Variants in MARK2 observed in about 807,000 individuals in gnomAD.
The protein encoded by MARK2 is serine/threonine-protein kinase MARK2.
In MARK2, 16 loss-of-function variants were observed where a neutral mutation model predicts 89.8. That is an observed-to-expected ratio of 0.18 (90% CI 0.12 to 0.27). MARK2 has a LOEUF of 0.27. MARK2 is among the 10% of genes least tolerant of loss of function. The probability of loss-of-function intolerance (pLI) is 1.00; values close to 1 mark genes in which losing one functional copy is unlikely to be tolerated. For synonymous variants in MARK2, 382 were observed against 399.5 expected, an observed-to-expected ratio of 0.96 and a Z score of 0.52; for missense variants, 621 against 1,049.9, an observed-to-expected ratio of 0.59 and a Z score of 5.65.
At chr11:63,908,202 G>A in intron 17 of MARK2, 58 bp from the exon 18 acceptor site, 2 of 1,481,638 alleles carry the variant, frequency 1.3e-6, no homozygotes, top group South Asian at 1.2e-5. Context: ...CTGGGTCTGT[G>A]GCGGCGGAAG....
chr11:63,842,690 A>G (rs2016081167), intron 1 of MARK2, among the ~76,000 whole-genome samples: 2 of 152,092 alleles, frequency 1.3e-5, no homozygotes, highest in African/African-American at 4.8e-5. Context: ...TATAGTCTTA[A>G]TGTTATTTTT....
intron 1 of MARK2, among the ~76,000 whole-genome samples, chr11:63,874,317 T>G (rs1285300526): frequency 6.6e-6 from 1 of 152,192 alleles, no homozygotes; most frequent in East Asian, 1.9e-4. Context: ...TGATTGGGAG[T>G]TTAGGCATCT....
At chr11:63,908,357 A>T in intron 18 of MARK2, 53 bp downstream of exon 18, 1 of 1,435,882 alleles carries the variant, frequency 7.0e-7, no homozygotes, top group Non-Finnish European at 9.6e-7. Flanking sequence ...GGCTTGCCAC[A>T]GCCTCCTGCT....
intron 1 of MARK2, among the ~76,000 whole-genome samples, chr11:63,853,870 T>A (rs907149074): frequency 6.6e-6 from 1 of 151,928 alleles, no homozygotes; most frequent in African/African-American, 2.4e-5. Flanking sequence ...TTTATTTTAA[T>A]TTTTATCTAT....
rs1053813287 is a variant in MARK2, at chr11:63,909,301, G to A, written c.*64G>A. 1.0e-5 allele frequency: 15 copies of A among 1,460,534 alleles called. No homozygotes were observed. The highest frequency in any genetic ancestry group is 1.4e-5 in the African/African-American group (1 of 70,454). 90.5% of individuals were successfully genotyped at this position (1,460,534 alleles called of 1,614,324 possible). The stretch of plus-strand genomic sequence containing the variant: ...TGGACGGGCTGCCGGCCGCTGCGCC[G>A]CCCCACCTGGGCGAGACTGCAGCGA... On this transcript the variant is annotated 3_prime_UTR_variant, in exon 19 of 19. Transcript: ENST00000402010.
In MARK2 at chr11:63,903,190, C is replaced by T; in HGVS notation, c.1514+32C>T. 1 of 1,519,962 alleles carries T rather than the reference C, an allele frequency of 6.6e-7. No homozygotes were observed. The highest frequency in any genetic ancestry group is 9.1e-7 in the Non-Finnish European group (1 of 1,098,610). 94.2% of individuals were successfully genotyped at this position (1,519,962 alleles called of 1,614,324 possible). On this transcript the variant is annotated intron_variant, in intron 14 of 18. Transcript: ENST00000402010. The surrounding 1 kb of genome is among the most constrained non-coding windows in gnomAD (Gnocchi z 5.1). ...GACCCGGGCCCTGCCTGCCTCACTCCCTAGGAGCCATGTCTCACAGGGTGA... is the reference window on the plus strand; with the variant it reads ...GACCCGGGCCCTGCCTGCCTCACTCTCTAGGAGCCATGTCTCACAGGGTGA...
intron 1 of MARK2, among the ~76,000 whole-genome samples, chr11:63,872,758 A>G (rs1388306182): frequency 6.6e-6 from 1 of 152,082 alleles, no homozygotes; most frequent in Non-Finnish European, 1.5e-5. Flanking sequence ...TTGGCTCTGT[A>G]GTGCCCAGAG....
chr11:63,858,082 AG>A (rs2016956867), intron 1 of MARK2, among the ~76,000 whole-genome samples: 1 of 152,080 alleles, frequency 6.6e-6, no homozygotes, highest in South Asian at 2.1e-4. Flanking sequence ...GGTGGAGTGC[AG>A]TGGCACCATC....
At chr11:63,877,954 T>C (rs994267735) in intron 1 of MARK2, among the ~76,000 whole-genome samples, 2 of 152,212 alleles carry the variant, frequency 1.3e-5, no homozygotes, top group Admixed American at 1.3e-4. Context: ...GAATCCTCCA[T>C]TGATCTGGCA....
At position 63,903,958 on chromosome 11, in the gene MARK2, G is replaced by C; in HGVS notation, c.1515-28G>C. ...TCCCGCCCTCACTCACCCCTAACAC[G>C]GGCCTCTCCGCTGCTTTTGTTTCCT... On this transcript the variant is annotated intron_variant, in intron 14 of 18. Transcript: ENST00000402010. The surrounding 1 kb of genome is among the most constrained non-coding windows in gnomAD (Gnocchi z 5.1). 6.3e-6 allele frequency: 10 copies of C among 1,580,644 alleles called. No individual in the cohort carries two copies. Among genetic ancestry groups the C allele is most frequent in the Non-Finnish European group, 8.6e-6 (10 of 1,161,430 alleles).
At chr11:63,899,278 C>A (rs887131973) in intron 7 of MARK2, among the ~76,000 whole-genome samples, 170 bp downstream of exon 7, 4 of 151,326 alleles carry the variant, frequency 2.6e-5, no homozygotes, top group Non-Finnish European at 5.9e-5. Context: ...GACCAGAAAG[C>A]CCCTAGGGCT....
At chr11:63,888,410 C>A in intron 1 of MARK2, 1 of 432,848 alleles carries the variant, frequency 2.3e-6, no homozygotes, top group Non-Finnish European at 3.1e-6. Context: ...GCCGTGGCTG[C>A]AGTGAGTCTC....
At chr11:63,888,555 C>A in intron 1 of MARK2, 1 of 1,070,344 alleles carries the variant, frequency 9.3e-7, no homozygotes. Flanking sequence ...CCCTTCCTGC[C>A]CTATTCCCCT....
chr11:63,898,340 T>A (rs1940586384), intron 4 of MARK2, 60 bp downstream of exon 4: 1 of 1,497,470 alleles, frequency 6.7e-7, no homozygotes, highest in African/African-American at 1.4e-5. Context: ...CTTTCCAGCA[T>A]GTCATCTTCT....
chr11:63,846,676 G>A (rs2135198659), intron 1 of MARK2, among the ~76,000 whole-genome samples: 1 of 143,444 alleles, frequency 7.0e-6, no homozygotes, highest in South Asian at 2.3e-4. Context: ...TTTTTTTTGA[G>A]ACGTTGTCTT....
Position 63,849,425 on chromosome 11 carries a change from T to C in MARK2, c.54+9865T>C, listed in dbSNP as rs376913532. On this transcript the variant is annotated intron_variant, in intron 1 of 18. Coordinates refer to ENST00000402010, the MANE Select transcript of MARK2 (RefSeq NM_001039469.3). ...GAGTCCAAACTTTTTGAACACTTTT[T>C]GACTTCCAATAAGTGGTTCCACTAT... Among the ~76,000 whole-genome samples the C allele has an allele frequency of 2.0e-5, 3 of 152,200 alleles. No individual in the cohort carries two copies. The East Asian group carries it at 5.8e-4, about 29-fold the overall frequency.
chr11:63,870,941 A>T (rs1200351428), intron 1 of MARK2, among the ~76,000 whole-genome samples: 1 of 152,182 alleles, frequency 6.6e-6, no homozygotes, highest in Non-Finnish European at 1.5e-5. Flanking sequence ...CTAGGAAGGG[A>T]AGAGAGTTAG....
In MARK2 at chr11:63,902,267, C is replaced by G. The variant is rs763945514; in HGVS notation, c.1171C>G (p.Pro391Ala). The G allele has an allele frequency of 6.2e-7, 1 of 1,614,160 alleles. No individual in the cohort carries two copies. The highest frequency in any genetic ancestry group is 8.5e-7 in the Non-Finnish European group (1 of 1,180,024). The change falls in exon 12 of 19, where the codon CCA (proline) becomes GCA (alanine). Residue 391 changes from proline (P) to alanine (A), a missense_variant. Pro to Ala is a conservative substitution (Grantham distance 27, BLOSUM62 -1). Coordinates refer to ENST00000402010, the MANE Select transcript of MARK2 (RefSeq NM_001039469.3). This position sits in a 1 kb window ranked among gnomAD's most constrained non-coding sequence, Gnocchi z 4.2. ...ADLTNSSAPS[P>A]SHKVQRSVSA... The stretch of plus-strand genomic sequence containing the variant: ...TCTGACCAATAGCAGCGCCCCATCC[C>G]CATCCCACAAGGTACAGCGCAGCGT...
At chr11:63,874,335 G>T (rs916377412) in intron 1 of MARK2, among the ~76,000 whole-genome samples, 1 of 152,200 alleles carries the variant, frequency 6.6e-6, no homozygotes, top group Non-Finnish European at 1.5e-5. Flanking sequence ...TCTGAGAATT[G>T]AATGCTTGCT....
Sources: allele counts gnomAD v4.1 joint callset (sites outside exome capture counted in the v4.1 genomes callset), GRCh38; gene constraint gnomAD v4.1.1; non-coding constraint Gnocchi (gnomAD v3.1); transcripts MANE v1.5; gene names NCBI Gene and HGNC (gene_info 2026-07-23, HGNC 2026-07-21).